The following NFYC variants were observed in gnomAD, a reference collection of about 807,000 sequenced individuals.
NFYC encodes the protein CAAT box DNA-binding protein subunit C.
Under a neutral mutation model 53.1 loss-of-function variants are expected in NFYC, and 25 were observed. The ratio of observed to expected loss-of-function variants is 0.47; its 90% confidence interval spans 0.34 to 0.66. The LOEUF is 0.66. NFYC is among the 30% of genes least tolerant of loss of function. NFYC has a pLI of 0.01. For synonymous variants in NFYC, 145 were observed against 152.6 expected, an observed-to-expected ratio of 0.95 and a Z score of 0.37; for missense variants, 260 against 422.7, an observed-to-expected ratio of 0.62 and a Z score of 3.38.
intron 2 of NFYC, among the ~76,000 whole-genome samples, chr1:40,745,459 T>C (rs796872145): frequency 3.3e-5 from 5 of 152,340 alleles, no homozygotes; most frequent in African/African-American, 9.6e-5. Flanking sequence ...GGTTGATTTC[T>C]GGGATTAAAC....
intron 5 of NFYC, 97 bp from the exon 6 acceptor site, chr1:40,758,024 A>G: frequency 7.2e-7 from 1 of 1,381,648 alleles, no homozygotes; most frequent in Admixed American, 1.8e-5. Flanking sequence ...TCAGCAGGCA[A>G]CTGCACATAG....
At chr1:40,764,201 C>A (rs1292865437) in intron 7 of NFYC, among the ~76,000 whole-genome samples, 2 of 152,180 alleles carry the variant, frequency 1.3e-5, no homozygotes, top group Non-Finnish European at 2.9e-5. Flanking sequence ...TATTCCCTGC[C>A]CTTTGCCATT....
At chr1:40,765,884 T>A (rs1557934554) in intron 7 of NFYC, among the ~76,000 whole-genome samples, 1 of 152,260 alleles carries the variant, frequency 6.6e-6, no homozygotes, top group Non-Finnish European at 1.5e-5. Flanking sequence ...ATTATTGTAT[T>A]ATCTGAGATT....
At chr1:40,725,851 G>T (rs866720131) in intron 1 of NFYC, among the ~76,000 whole-genome samples, 1 of 152,198 alleles carries the variant, frequency 6.6e-6, no homozygotes, top group Non-Finnish European at 1.5e-5. Flanking sequence ...AAATTTGTTG[G>T]TTTCCCAGTG....
intron 1 of NFYC, among the ~76,000 whole-genome samples, chr1:40,704,658 A>G (rs1643608680): frequency 6.6e-6 from 1 of 152,244 alleles, no homozygotes; most frequent in Non-Finnish European, 1.5e-5. Context: ...GCCAAGAAGT[A>G]ATAAAAACTA....
intron 1 of NFYC, among the ~76,000 whole-genome samples, chr1:40,734,022 A>T (rs1020246652): frequency 2.1e-4 from 32 of 152,180 alleles, no homozygotes; most frequent in African/African-American, 7.5e-4. Flanking sequence ...TTGGGATTAC[A>T]GGTGTGAGCC....
chr1:40,719,272 G>T (rs923412911), intron 1 of NFYC, among the ~76,000 whole-genome samples: 3 of 152,176 alleles, frequency 2.0e-5, no homozygotes, highest in African/African-American at 7.2e-5. Flanking sequence ...ATTTCTTGGA[G>T]GAATGGCTGG....
At chr1:40,707,849 CAAAA>C (rs56325253) in intron 1 of NFYC, among the ~76,000 whole-genome samples, 4 of 99,468 alleles carry the variant, frequency 4.0e-5, no homozygotes, top group Admixed American at 1.1e-4. Flanking sequence ...GACCCTATCT[CAAAA>C]AAAAAAAAAA....
intron 2 of NFYC, among the ~76,000 whole-genome samples, chr1:40,741,612 T>C (rs77984750): frequency 1.3e-5 from 2 of 151,716 alleles, no homozygotes; most frequent in Non-Finnish European, 2.9e-5. Context: ...TTTTTTTTTT[T>C]CCTTTTTGGA....
At chr1:40,747,652 G>GTAC in intron 3 of NFYC, 47 bp downstream of exon 3, 1 of 1,272,238 alleles carries the variant, frequency 7.9e-7, no homozygotes, top group East Asian at 2.3e-5. Flanking sequence ...GCTAAGTGAT[G>GTAC]GGTAGGTTAT....
At chr1:40,745,338 G>A (rs916257074) in intron 2 of NFYC, among the ~76,000 whole-genome samples, 2 of 152,150 alleles carry the variant, frequency 1.3e-5, no homozygotes, top group Non-Finnish European at 2.9e-5. Context: ...TGTGCTGTAT[G>A]TATTAGCCTG....
At chr1:40,738,300 T>G (rs1645163422) in intron 1 of NFYC, among the ~76,000 whole-genome samples, 1 of 152,244 alleles carries the variant, frequency 6.6e-6, no homozygotes, top group Non-Finnish European at 1.5e-5. Context: ...CCTGAGTAGC[T>G]GGAACCACAG....
intron 4 of NFYC, 21 bp from the exon 5 acceptor site, chr1:40,753,130 C>T (rs1295289422): frequency 1.3e-6 from 2 of 1,582,874 alleles, no homozygotes; most frequent in East Asian, 4.5e-5. Flanking sequence ...TAATTTTTCA[C>T]ACCGCTCTTC....
At chr1:40,720,698 C>G (rs1293724636) in intron 1 of NFYC, among the ~76,000 whole-genome samples, 1 of 152,092 alleles carries the variant, frequency 6.6e-6, no homozygotes, top group East Asian at 1.9e-4. Flanking sequence ...AAGACCCTGT[C>G]TTTACAAAAA....
intron 1 of NFYC, among the ~76,000 whole-genome samples, chr1:40,695,279 AT>A (rs1432243611): frequency 2.0e-5 from 3 of 152,116 alleles, no homozygotes; most frequent in Non-Finnish European, 4.4e-5. Flanking sequence ...ACTAGAGAAG[AT>A]TTTACAAGGC....
chr1:40,694,769 T>C (rs1437139427), intron 1 of NFYC, among the ~76,000 whole-genome samples: 2 of 152,172 alleles, frequency 1.3e-5, no homozygotes, highest in East Asian at 1.9e-4. Flanking sequence ...TTGACCACTC[T>C]AGAAATCTTG....
At chr1:40,763,608 A>C (rs919116923) in intron 7 of NFYC, 1 of 346,764 alleles carries the variant, frequency 2.9e-6, no homozygotes, top group African/African-American at 2.2e-5. Context: ...CGGCCTCCCA[A>C]AGTGCTGGGA....
chr1:40,694,380 G>T (rs1380785720), intron 1 of NFYC, among the ~76,000 whole-genome samples: 2 of 152,258 alleles, frequency 1.3e-5, no homozygotes, highest in Non-Finnish European at 2.9e-5. Flanking sequence ...GAGGAGACCA[G>T]TGAGTTGGAA....
intron 1 of NFYC, among the ~76,000 whole-genome samples, chr1:40,696,062 T>C (rs1384309999): frequency 6.6e-6 from 1 of 150,948 alleles, no homozygotes; most frequent in East Asian, 1.9e-4. Context: ...TCGCACTGTT[T>C]CCCCAGACTG....
Sources: allele counts gnomAD v4.1 joint callset (sites outside exome capture counted in the v4.1 genomes callset), GRCh38; gene constraint gnomAD v4.1.1; transcripts MANE v1.5; gene names NCBI Gene and HGNC (gene_info 2026-07-23, HGNC 2026-07-21).